The following NEK11 variants were observed in gnomAD, a reference collection of about 807,000 sequenced individuals.
NEK11 encodes the protein serine/threonine-protein kinase Nek11.
A neutral mutation model predicts 80.7 loss-of-function variants in NEK11; 72 were observed. That is an observed-to-expected ratio of 0.89 (90% CI 0.74 to 1.08). The LOEUF is 1.08. Among genes scored for constraint, NEK11 ranks in the 50% least tolerant of loss-of-function variants. The pLI is 0.00. For missense variants in NEK11, 764 were observed against 763.6 expected, an observed-to-expected ratio of 1.00 and a Z score of -0.01; for synonymous variants, 251 against 260.7, an observed-to-expected ratio of 0.96 and a Z score of 0.36.
At chr3:131,208,936 C>T (rs2094526015) in intron 14 of NEK11, among the ~76,000 whole-genome samples, 1 of 152,172 alleles carries the variant, frequency 6.6e-6, no homozygotes, top group Non-Finnish European at 1.5e-5. Context: ...TTCCTCTTTT[C>T]CTAATTGAAT....
chr3:131,116,194 C>G (rs2081195736), intron 5 of NEK11, among the ~76,000 whole-genome samples: 1 of 151,816 alleles, frequency 6.6e-6, no homozygotes, highest in African/African-American at 2.4e-5. Context: ...TCTCATTGTT[C>G]AGTTCTCACC....
chr3:131,099,794 C>G (rs1303223570), intron 4 of NEK11, among the ~76,000 whole-genome samples: 2 of 152,132 alleles, frequency 1.3e-5, no homozygotes, highest in Non-Finnish European at 2.9e-5. Context: ...TATAGAAATG[C>G]TATTGATTTT....
intron 17 of NEK11, among the ~76,000 whole-genome samples, chr3:131,319,628 G>A (rs1398389279): frequency 6.6e-6 from 1 of 152,128 alleles, no homozygotes; most frequent in Non-Finnish European, 1.5e-5. Flanking sequence ...ACTCCTATCA[G>A]AGTTTACCTG....
rs1333956550 is a variant in NEK11, at chr3:131,164,715, A to G, written c.1083-711A>G. The stretch of plus-strand genomic sequence containing the variant: ...ATAAAGTTTGGTCTTGATTTTGTGA[A>G]TAAGTTGTATTGGAATTGTTTCTAG... On this transcript the variant is annotated intron_variant, in intron 11 of 17. Coordinates refer to ENST00000383366, the MANE Select transcript of NEK11 (RefSeq NM_024800.5). Among the ~76,000 whole-genome samples the G allele has an allele frequency of 2.0e-5, 3 of 152,216 alleles. No homozygotes were observed. In the East Asian group the frequency reaches 5.8e-4, roughly 29 times the overall value.
intron 15 of NEK11, among the ~76,000 whole-genome samples, chr3:131,238,855 G>A (rs971544700): frequency 6.6e-6 from 1 of 152,006 alleles, no homozygotes; most frequent in Admixed American, 6.6e-5. Flanking sequence ...ATACATTTTT[G>A]AAAACTCATA....
intron 16 of NEK11, among the ~76,000 whole-genome samples, chr3:131,248,321 A>T (rs1404593956): frequency 1.3e-5 from 2 of 152,066 alleles, no homozygotes; most frequent in Non-Finnish European, 2.9e-5. Flanking sequence ...CTTTTTTCAA[A>T]TGCTTTTTCT....
At chr3:131,119,423 G>T (rs147404743) in intron 5 of NEK11, among the ~76,000 whole-genome samples, 8 of 152,270 alleles carry the variant, frequency 5.3e-5, no homozygotes, top group African/African-American at 1.7e-4. Flanking sequence ...GTGCAATGTG[G>T]TGCTGAGAAG....
In NEK11 at chr3:131,106,706, C is replaced by T. The variant is rs565191273; in HGVS notation, c.337-3097C>T. ...TTAAGGAATACCTATTTTATATAAG[C>T]ACTTATTTTTCTTTAAACCAATTAA... On this transcript the variant is annotated intron_variant, in intron 4 of 17. Coordinates refer to ENST00000383366, the MANE Select transcript of NEK11 (RefSeq NM_024800.5). Among the ~76,000 whole-genome samples the T allele has an allele frequency of 2.1e-4, 32 of 152,232 alleles. 1 individual carries two copies. The highest frequency in any genetic ancestry group is 7.5e-4 in the African/African-American group (31 of 41,544).
At chr3:131,120,579 A>G (rs1686741530) in intron 5 of NEK11, among the ~76,000 whole-genome samples, 1 of 152,156 alleles carries the variant, frequency 6.6e-6, no homozygotes. Context: ...GTGTTTTCCA[A>G]GTTGGTTCTA....
At chr3:131,329,427 C>G (rs1477852912) in intron 17 of NEK11, 2 of 150,994 alleles carry the variant, frequency 1.3e-5, no homozygotes, top group East Asian at 3.9e-4. Flanking sequence ...TGACTAATTA[C>G]TATGCACCAA....
At chr3:131,071,460 C>T (rs1016806843) in intron 3 of NEK11, among the ~76,000 whole-genome samples, 1 of 151,468 alleles carries the variant, frequency 6.6e-6, no homozygotes, top group African/African-American at 2.4e-5. Flanking sequence ...CATCCATTCC[C>T]CTTGCTTCAC....
intron 5 of NEK11, among the ~76,000 whole-genome samples, chr3:131,116,727 T>C (rs2081294941): frequency 6.6e-6 from 1 of 152,206 alleles, no homozygotes; most frequent in Non-Finnish European, 1.5e-5. Context: ...TGATGGCCAG[T>C]GATGATGAGC....
intron 16 of NEK11, among the ~76,000 whole-genome samples, chr3:131,250,545 A>G (rs2091848827): frequency 6.6e-6 from 1 of 152,102 alleles, no homozygotes; most frequent in African/African-American, 2.4e-5. Context: ...TGCGTCATCA[A>G]ACCTAAGAGT....
chr3:131,164,933 G>A (rs1248744617), intron 11 of NEK11, among the ~76,000 whole-genome samples: 2 of 152,178 alleles, frequency 1.3e-5, no homozygotes, highest in Admixed American at 1.3e-4. Context: ...TTAGTAGCAG[G>A]TCGCTTAAAC....
chr3:131,057,478 G>A (rs554999654), intron 3 of NEK11, among the ~76,000 whole-genome samples: 128 of 150,266 alleles, frequency 8.5e-4, no homozygotes, highest in African/African-American at 2.9e-3. Context: ...CTTCCACAAT[G>A]GTTGAACTAG....
At chr3:131,300,715 T>A (rs545460619) in intron 17 of NEK11, among the ~76,000 whole-genome samples, 1 of 152,326 alleles carries the variant, frequency 6.6e-6, no homozygotes, top group South Asian at 2.1e-4. Flanking sequence ...TCCTGGGCTC[T>A]CTGTTCTGTT....
At chr3:131,097,275 C>G (rs530477253) in intron 4 of NEK11, among the ~76,000 whole-genome samples, 1,960 of 150,660 alleles carry the variant, frequency 0.013, 31 homozygotes, top group African/African-American at 0.036. Context: ...GGGTCAAATG[C>G]TATTTCTAGT....
At chr3:131,052,265 TAA>T (rs1430540172) in intron 3 of NEK11, among the ~76,000 whole-genome samples, 1 of 152,048 alleles carries the variant, frequency 6.6e-6, no homozygotes, top group Non-Finnish European at 1.5e-5. Flanking sequence ...GGTTGTAGTA[TAA>T]TTTATTTAAC....
chr3:131,031,673 G>A (rs1218923245), intron 3 of NEK11, among the ~76,000 whole-genome samples: 1 of 152,112 alleles, frequency 6.6e-6, no homozygotes, highest in Admixed American at 6.5e-5. Flanking sequence ...GAGAAGAAAG[G>A]GGGCTGGGGC....
Sources: gnomAD v4.1 joint callset for allele counts (sites outside exome capture counted in the v4.1 genomes callset) on GRCh38, gnomAD v4.1.1 for gene constraint, MANE v1.5 for transcripts, NCBI Gene and HGNC (gene_info 2026-07-23, HGNC 2026-07-21) for gene names.